CHN2: variants seen among roughly 807,000 people sequenced by gnomAD.
The protein encoded by CHN2 is chimerin 2, also known as beta-chimaerin.
A neutral mutation model predicts 56.3 loss-of-function variants in CHN2; 35 were observed. That is an observed-to-expected ratio of 0.62 (90% CI 0.47 to 0.82). The LOEUF (loss-of-function observed/expected upper bound fraction) is 0.82. Ranked by LOEUF, CHN2 falls within the 40% of genes least tolerant of loss-of-function variation. The pLI is 0.00. For synonymous variants in CHN2, 210 were observed against 212.8 expected, an observed-to-expected ratio of 0.99 and a Z score of 0.12; for missense variants, 491 against 580.5, an observed-to-expected ratio of 0.85 and a Z score of 1.58.
At chr7:29,453,541 C>T (rs545045065) in intron 6 of CHN2, among the ~76,000 whole-genome samples, 8 of 152,230 alleles carry the variant, frequency 5.3e-5, no homozygotes, top group Admixed American at 3.3e-4. Flanking sequence ...AGAGTTAGGA[C>T]GCCCCCCCAC....
At chr7:29,445,536 A>G (rs1341237030) in intron 6 of CHN2, among the ~76,000 whole-genome samples, 3 of 152,224 alleles carry the variant, frequency 2.0e-5, no homozygotes, top group Admixed American at 6.5e-5. Context: ...AATGATTAGC[A>G]TAATAAATCC....
At chr7:29,174,095 C>T (rs1584555190) in intron 2 of CHN2, among the ~76,000 whole-genome samples, 1 of 152,148 alleles carries the variant, frequency 6.6e-6, no homozygotes, top group Non-Finnish European at 1.5e-5. Context: ...AGGGGGTGCT[C>T]TTGAGGAAGA....
At chr7:29,418,258 G>A (rs1295995071) in intron 6 of CHN2, among the ~76,000 whole-genome samples, 2 of 152,236 alleles carry the variant, frequency 1.3e-5, no homozygotes. Context: ...GTAAATGTAA[G>A]CCACACCAGG....
intron 1 of CHN2, among the ~76,000 whole-genome samples, chr7:29,206,613 T>C (rs191269031): frequency 6.6e-6 from 1 of 152,234 alleles, no homozygotes; most frequent in East Asian, 1.9e-4. Context: ...TTGCATGTAC[T>C]TGCAACAGGA....
At chr7:29,237,958 C>T (rs1282198122) in intron 1 of CHN2, among the ~76,000 whole-genome samples, 3 of 150,950 alleles carry the variant, frequency 2.0e-5, no homozygotes, top group Admixed American at 6.6e-5. Context: ...TCCTGCAAGT[C>T]TCTGTCACTC....
At chr7:29,297,584 G>T (rs1417383503) in intron 1 of CHN2, among the ~76,000 whole-genome samples, 2 of 152,156 alleles carry the variant, frequency 1.3e-5, no homozygotes, top group East Asian at 3.9e-4. Context: ...AAGGTGGGGG[G>T]AGGGTAAGGA....
intron 2 of CHN2, among the ~76,000 whole-genome samples, chr7:29,154,387 T>C (rs1794048580): frequency 6.6e-6 from 1 of 152,204 alleles, no homozygotes; most frequent in Non-Finnish European, 1.5e-5. Context: ...TCCCTTCTCT[T>C]TGCCTCCCTT....
intron 1 of CHN2, among the ~76,000 whole-genome samples, chr7:29,220,705 T>C (rs1432599653): frequency 6.6e-6 from 1 of 152,202 alleles, no homozygotes; most frequent in East Asian, 1.9e-4. Flanking sequence ...GCTTTAGCAA[T>C]AAATTCTTCC....
chr7:29,437,212 A>G (rs1051161209), intron 6 of CHN2, among the ~76,000 whole-genome samples: 4 of 152,242 alleles, frequency 2.6e-5, no homozygotes, highest in Admixed American at 6.5e-5. Context: ...ATTAGACAAT[A>G]AAGATTTAAG....
chr7:29,503,242 G>A (rs754248318), intron 9 of CHN2, among the ~76,000 whole-genome samples: 5 of 152,152 alleles, frequency 3.3e-5, no homozygotes, highest in Non-Finnish European at 5.9e-5. Context: ...GAGCAAGCTC[G>A]CTCTCTCACT....
At chr7:29,212,750 A>T (rs1241885814) in intron 1 of CHN2, 1 of 1,609,904 alleles carries the variant, frequency 6.2e-7, no homozygotes, top group African/African-American at 1.3e-5. Flanking sequence ...AATGAAATCT[A>T]AGAGGTGGCA....
chr7:29,293,370 C>T (rs528200481), intron 1 of CHN2, among the ~76,000 whole-genome samples: 6 of 119,946 alleles, frequency 5.0e-5, no homozygotes, highest in Non-Finnish European at 5.7e-5. Context: ...ATGCCCCCCC[C>T]CCCCCCCATA....
chr7:29,428,278 G>T (rs1805082551), intron 6 of CHN2, among the ~76,000 whole-genome samples: 1 of 152,194 alleles, frequency 6.6e-6, no homozygotes, highest in South Asian at 2.1e-4. Flanking sequence ...ATTTTAATTA[G>T]AATAATGCCA....
chr7:29,206,918 A>T (rs983539357), intron 1 of CHN2, among the ~76,000 whole-genome samples: 1 of 152,206 alleles, frequency 6.6e-6, no homozygotes, highest in African/African-American at 2.4e-5. Context: ...CAGAAAGTAG[A>T]TGAGTTGTCC....
chr7:29,179,963 G>T (rs1170622239), intron 2 of CHN2, among the ~76,000 whole-genome samples: 1 of 152,120 alleles, frequency 6.6e-6, no homozygotes, highest in Non-Finnish European at 1.5e-5. Flanking sequence ...TTGATCTTTT[G>T]CTATTTGTCT....
intron 1 of CHN2, among the ~76,000 whole-genome samples, chr7:29,263,533 G>A (rs1030147033): frequency 6.6e-6 from 1 of 151,200 alleles, no homozygotes; most frequent in Non-Finnish European, 1.5e-5. Context: ...CGCCCAGTCC[G>A]GGAAGTGAGG....
At chr7:29,294,994 C>G (rs886236186) in intron 1 of CHN2, among the ~76,000 whole-genome samples, 1 of 152,070 alleles carries the variant, frequency 6.6e-6, no homozygotes, top group South Asian at 2.1e-4. Flanking sequence ...TCCCTGGACC[C>G]CCCACAGATA....
chr7:29,205,355 C>G (rs557663116), intron 1 of CHN2, among the ~76,000 whole-genome samples: 57 of 152,294 alleles, frequency 3.7e-4, no homozygotes, highest in African/African-American at 1.3e-3. Context: ...GTTATAAGCT[C>G]TAGGAAGCTG....
intron 1 of CHN2, among the ~76,000 whole-genome samples, chr7:29,292,116 G>T (rs1792681949): frequency 6.6e-6 from 1 of 152,170 alleles, no homozygotes; most frequent in African/African-American, 2.4e-5. Flanking sequence ...CACTTTATCT[G>T]TAGGAGTATC....
Sources: allele counts gnomAD v4.1 joint callset (sites outside exome capture counted in the v4.1 genomes callset), GRCh38; gene constraint gnomAD v4.1.1; transcripts MANE v1.5; gene names NCBI Gene and HGNC (gene_info 2026-07-23, HGNC 2026-07-21).